Variants in GRIP2 observed in about 807,000 individuals in gnomAD.
GRIP2 encodes the protein glutamate receptor interacting protein 2.
Under a neutral mutation model 108.3 loss-of-function variants are expected in GRIP2, and 58 were observed. That is an observed-to-expected ratio of 0.54 (90% CI 0.43 to 0.67). The LOEUF (loss-of-function observed/expected upper bound fraction) is 0.67, where lower values mean the gene tolerates loss of function less well. GRIP2 is among the 30% of genes least tolerant of loss of function. GRIP2 has a pLI of 0.00. For missense variants in GRIP2, 1,278 were observed against 1,430.6 expected (o/e 0.89, Z 1.72); for synonymous variants, 586 against 598.2 (o/e 0.98, Z 0.30).
upstream of GRIP2, among the ~76,000 whole-genome samples, chr3:14,560,988 T>C (rs1695306788): frequency 6.6e-6 from 1 of 152,168 alleles, no homozygotes; most frequent in African/African-American, 2.4e-5. Context: ...AGGCCACAGC[T>C]GGATATGAAT....
At chr3:14,574,638 T>A in the GRIP2 span, 1 of 667,514 alleles carries the variant, frequency 1.5e-6, no homozygotes, top group Non-Finnish European at 2.8e-6. Flanking sequence ...GAAGGATGTG[T>A]CCATCTCATC....
At chr3:14,500,947 G>T (rs558287246) in intron 21 of GRIP2, among the ~76,000 whole-genome samples, 41 of 152,274 alleles carry the variant, frequency 2.7e-4, no homozygotes, top group African/African-American at 8.7e-4. Flanking sequence ...GAGGACAAAG[G>T]TATTGCTTAC....
chr3:14,545,150 G>C (rs1695038839), upstream of GRIP2, among the ~76,000 whole-genome samples: 1 of 152,232 alleles, frequency 6.6e-6, no homozygotes, highest in Non-Finnish European at 1.5e-5. Flanking sequence ...AGAATGTTGG[G>C]AAGAGCCACC....
the GRIP2 span, among the ~76,000 whole-genome samples, chr3:14,565,021 A>G: frequency 2.0e-5 from 3 of 152,194 alleles, no homozygotes; most frequent in African/African-American, 7.2e-5. Flanking sequence ...GGCACAGCCC[A>G]CAGCCGGGCA....
chr3:14,573,095 C>T, the GRIP2 span: 248 of 1,408,516 alleles, frequency 1.8e-4, 1 homozygote, highest in African/African-American at 3.0e-3. Context: ...TGATGAACCC[C>T]GAAATGTGGG....
chr3:14,570,485 G>A, the GRIP2 span, among the ~76,000 whole-genome samples: 26 of 152,350 alleles, frequency 1.7e-4, no homozygotes, highest in African/African-American at 5.8e-4. Context: ...TGCAAAGTGC[G>A]GCTGCAGGTC....
upstream of GRIP2, among the ~76,000 whole-genome samples, chr3:14,540,797 C>A (rs931178531): frequency 2.0e-5 from 3 of 152,154 alleles, no homozygotes; most frequent in South Asian, 2.1e-4. This position sits in a 1 kb window ranked among gnomAD's most constrained non-coding sequence, Gnocchi z 4.1. Flanking sequence ...ATGAACAATG[C>A]CAGGGCGTCT....
Position 14,512,880 on chromosome 3 carries a change from C to A in GRIP2, c.1640-23G>T. The stretch of plus-strand genomic sequence containing the variant: ...ACTCTGGGGGTAGATGGACATAAAC[C>A]GACGTGAGGACCCAGAGGAGGAGCC... On this transcript the variant is annotated intron_variant, in intron 13 of 23. Transcript: ENST00000621039. The surrounding 1 kb of genome is among the most constrained non-coding windows in gnomAD (Gnocchi z 5.1). 1 of 1,610,576 alleles carries A rather than the reference C, an allele frequency of 6.2e-7. No individual in the cohort carries two copies. The highest frequency in any genetic ancestry group is 8.5e-7 in the Non-Finnish European group (1 of 1,177,082).
At position 14,505,593 on chromosome 3, in the gene GRIP2, TCACGGTGCTCC is replaced by T. The variant is rs767400239; in HGVS notation, c.2573+11_2573+21del. The T allele has an allele frequency of 6.2e-6, 10 of 1,602,780 alleles. No individual in the cohort carries two copies. The highest frequency in any genetic ancestry group is 3.4e-5 in the Admixed American group (2 of 58,624). Reference sequence around the variant, plus strand: ...CAAGACACTGTGACTCCCTCCTCCTTCACGGTGCTCCCACCACAGACCTCGTTGGCGGCTCC... The same window carrying T: ...CAAGACACTGTGACTCCCTCCTCCTTCACCACAGACCTCGTTGGCGGCTCC... On this transcript the variant is annotated intron_variant, in intron 20 of 23. Coordinates refer to ENST00000621039, the MANE Select transcript of GRIP2 (RefSeq NM_001080423.4). The surrounding 1 kb of genome is among the most constrained non-coding windows in gnomAD (Gnocchi z 4.2).
In GRIP2 at chr3:14,520,178, G is replaced by A; in HGVS notation, c.962C>T (p.Ser321Leu). 6.2e-7 allele frequency: 1 copy of A among 1,612,940 alleles called. No homozygotes were observed. The highest frequency in any genetic ancestry group is 8.5e-7 in the Non-Finnish European group (1 of 1,179,664). The part of the protein sequence containing the change: ...LEATKLLASI[S>L]EKVRLEILPV... ...CAGGATCTCCAGCCGCACCTTCTCT[G>A]AAATGCTGGCCAGGAGCTTGGTGGC... The change falls in exon 9 of 24, where the codon TCA (serine) becomes TTA (leucine). Residue 321 changes from serine (S) to leucine (L), a missense_variant. By Grantham distance (145) the Ser-to-Leu change is moderately radical. Transcript: ENST00000621039.
At chr3:14,553,838 T>G (rs972154693) in intron 1 of GRIP2, among the ~76,000 whole-genome samples, 17 of 152,202 alleles carry the variant, frequency 1.1e-4, no homozygotes, top group Non-Finnish European at 1.5e-5. Flanking sequence ...GCAGGCTCAC[T>G]TAATGGGCAA....
intron 16 of GRIP2, 149 bp from the exon 17 acceptor site, chr3:14,510,113 C>T: frequency 6.3e-6 from 4 of 635,620 alleles, no homozygotes; most frequent in Admixed American, 8.6e-5. Context: ...ACCTGGGGAC[C>T]CTGAGGCCAT....
At chr3:14,556,530 G>A (rs1695239394), upstream of GRIP2, among the ~76,000 whole-genome samples, 1 of 152,156 alleles carries the variant, frequency 6.6e-6, no homozygotes, top group African/African-American at 2.4e-5. Context: ...AAGGACAAGA[G>A]TCCACTTGTC....
chr3:14,495,037 C>T (rs1256433366), intron 22 of GRIP2, 48 bp from the exon 23 acceptor site: 4 of 1,602,254 alleles, frequency 2.5e-6, no homozygotes, highest in Admixed American at 3.4e-5. Context: ...ACCTTTGCCC[C>T]CAGCCTCTCA....
the GRIP2 span, among the ~76,000 whole-genome samples, chr3:14,590,624 G>C: frequency 6.6e-6 from 1 of 152,168 alleles, no homozygotes; most frequent in South Asian, 2.1e-4. Context: ...GCCTCCACTT[G>C]CTTCTCTCCC....
At chr3:14,564,300 G>A in the GRIP2 span, among the ~76,000 whole-genome samples, 512 of 152,328 alleles carry the variant, frequency 3.4e-3, 4 homozygotes, top group African/African-American at 0.011. Context: ...ATCGTGGGCC[G>A]CGTGGGTGGA....
chr3:14,581,892 G>A, the GRIP2 span, among the ~76,000 whole-genome samples: 1 of 152,242 alleles, frequency 6.6e-6, no homozygotes, highest in Non-Finnish European at 1.5e-5. Context: ...AGCTGATAGA[G>A]TTTGGCCTGG....
At chr3:14,530,824 G>A (rs764742929) in intron 1 of GRIP2, among the ~76,000 whole-genome samples, 1 of 152,016 alleles carries the variant, frequency 6.6e-6, no homozygotes, top group Non-Finnish European at 1.5e-5. Context: ...AAGTAAATGG[G>A]GTATCCATCA....
At chr3:14,574,368 G>C in the GRIP2 span, 1 of 946,402 alleles carries the variant, frequency 1.1e-6, no homozygotes, top group South Asian at 1.4e-5. Flanking sequence ...GTTCCGCCGC[G>C]GCCCCGCGGT....
Sources: gnomAD v4.1 joint callset for allele counts (sites outside exome capture counted in the v4.1 genomes callset) on GRCh38, gnomAD v4.1.1 for gene constraint, Gnocchi (gnomAD v3.1) non-coding constraint, MANE v1.5 for transcripts, NCBI Gene and HGNC (gene_info 2026-07-23, HGNC 2026-07-21) for gene names.